The following SLC25A48 variants were observed in gnomAD, a reference collection of about 807,000 sequenced individuals.
The protein encoded by SLC25A48 is CTC-321K16.1.
Under a neutral mutation model 32.2 loss-of-function variants are expected in SLC25A48, and 29 were observed. That is an observed-to-expected ratio of 0.90 (90% CI 0.67 to 1.23). SLC25A48 has a LOEUF of 1.23. SLC25A48 is among the 50% of genes most tolerant of loss of function. The pLI, the probability that SLC25A48 is intolerant of heterozygous loss-of-function variation, is 0.00. For missense variants in SLC25A48, 399 were observed against 422.7 expected (o/e 0.94, Z 0.49); for synonymous variants, 164 against 172.3 (o/e 0.95, Z 0.38).
At chr5:135,798,578 C>A (rs1757243654) in intron 3 of SLC25A48, among the ~76,000 whole-genome samples, 2 of 151,288 alleles carry the variant, frequency 1.3e-5, no homozygotes, top group South Asian at 4.2e-4. Flanking sequence ...TCCTATTATC[C>A]AGGTGGACAG....
chr5:135,659,429 A>T (rs1448556936), intron 3 of SLC25A48, among the ~76,000 whole-genome samples: 1 of 152,178 alleles, frequency 6.6e-6, no homozygotes, highest in African/African-American at 2.4e-5. Context: ...CCATATCACC[A>T]TCAGCATTTT....
Position 135,647,815 on chromosome 5 carries a change from CCTAG to C in SLC25A48, c.-521+12862_-521+12865del, listed in dbSNP as rs374817931. On this transcript the variant is annotated intron_variant, in intron 3 of 10. Transcript: ENST00000646290. ...GACCTGTGGCGGGAATCCCTGGGGCCCTAGCTTTCTTTGTAGTATGACTCCTTGG... is the reference window on the plus strand; with the variant it reads ...GACCTGTGGCGGGAATCCCTGGGGCCCTTTCTTTGTAGTATGACTCCTTGG... 8.7e-3 allele frequency among the ~76,000 whole-genome samples: 1,325 copies of C among 152,300 alleles called. 12 individuals are homozygous for C. The highest frequency in any genetic ancestry group is 0.013 in the Non-Finnish European group (860 of 68,006).
intron 7 of SLC25A48, among the ~76,000 whole-genome samples, chr5:135,886,733 C>T (rs1167331380): frequency 6.9e-6 from 1 of 144,534 alleles, no homozygotes; most frequent in Non-Finnish European, 1.5e-5. Context: ...CTGACTGTGG[C>T]CAGTGCTGTT....
At chr5:135,716,212 T>A (rs1339056330) in intron 3 of SLC25A48, among the ~76,000 whole-genome samples, 3 of 152,212 alleles carry the variant, frequency 2.0e-5, no homozygotes, top group Non-Finnish European at 4.4e-5. Context: ...CATGCTTACC[T>A]GGTCTGGGAC....
chr5:135,872,118 A>G, intron 5 of SLC25A48: 1 of 744,698 alleles, frequency 1.3e-6, no homozygotes, highest in East Asian at 3.3e-5. Flanking sequence ...TCAGGTCCAG[A>G]AATGTTAAGT....
At chr5:135,664,760 T>A (rs1753482765) in intron 3 of SLC25A48, among the ~76,000 whole-genome samples, 1 of 152,208 alleles carries the variant, frequency 6.6e-6, no homozygotes, top group South Asian at 2.1e-4. Context: ...AGACATTATT[T>A]TTTTTGTGGC....
intron 7 of SLC25A48, chr5:135,883,042 T>A: frequency 1.0e-6 from 1 of 985,450 alleles, no homozygotes; most frequent in Non-Finnish European, 1.2e-6. Context: ...GATGTTCTTG[T>A]CTTTCCTCCT....
At chr5:135,812,106 TA>T (rs1757602025) in intron 3 of SLC25A48, among the ~76,000 whole-genome samples, 1 of 152,116 alleles carries the variant, frequency 6.6e-6, no homozygotes, top group South Asian at 2.1e-4. Flanking sequence ...AATAAACAAA[TA>T]AATATGAATA....
chr5:135,882,276 C>G (rs1447237703), intron 7 of SLC25A48, among the ~76,000 whole-genome samples: 1 of 152,212 alleles, frequency 6.6e-6, no homozygotes, highest in Admixed American at 6.5e-5. Flanking sequence ...ATTCAACTTC[C>G]TGCTCTAACC....
At chr5:135,703,562 C>A (rs563595587) in intron 3 of SLC25A48, among the ~76,000 whole-genome samples, 1 of 152,176 alleles carries the variant, frequency 6.6e-6, no homozygotes, top group Non-Finnish European at 1.5e-5. Flanking sequence ...CCCCACAACC[C>A]GTCTCTGCCT....
intron 2 of SLC25A48, among the ~76,000 whole-genome samples, chr5:135,842,745 G>A (rs1040737025): frequency 6.6e-6 from 1 of 152,196 alleles, no homozygotes; most frequent in Non-Finnish European, 1.5e-5. Context: ...CTGGCATTGG[G>A]ATTATCCAAG....
intron 3 of SLC25A48, among the ~76,000 whole-genome samples, chr5:135,736,642 A>G (rs1283437826): frequency 6.6e-6 from 1 of 152,112 alleles, no homozygotes; most frequent in Non-Finnish European, 1.5e-5. Flanking sequence ...GCTTGCTGCT[A>G]TGGGTGAAGG....
At chr5:135,650,822 C>A (rs1226516804) in intron 3 of SLC25A48, among the ~76,000 whole-genome samples, 1 of 151,990 alleles carries the variant, frequency 6.6e-6, no homozygotes, top group Non-Finnish European at 1.5e-5. Flanking sequence ...GGGGCATAGG[C>A]AGAGGAGCTC....
At chr5:135,787,775 A>C (rs1756886120) in intron 3 of SLC25A48, among the ~76,000 whole-genome samples, 2 of 151,738 alleles carry the variant, frequency 1.3e-5, no homozygotes, top group East Asian at 3.9e-4. Flanking sequence ...GATATTGTTC[A>C]TAATATCCTA....
intron 4 of SLC25A48, among the ~76,000 whole-genome samples, chr5:135,856,065 G>A (rs1477646410): frequency 6.6e-6 from 1 of 152,162 alleles, no homozygotes; most frequent in Non-Finnish European, 1.5e-5. Flanking sequence ...AGAGAGTGCC[G>A]GCTTTGGAGG....
intron 4 of SLC25A48, among the ~76,000 whole-genome samples, chr5:135,861,485 C>T (rs1760793957): frequency 1.3e-5 from 2 of 152,102 alleles, no homozygotes; most frequent in Admixed American, 6.5e-5. Flanking sequence ...GCAAAGCAGG[C>T]ATAACTATAG....
rs199806613 is a variant in SLC25A48 at position 135,766,357 on chromosome 5, G to C, written c.-520-46166G>C. ...TGTAATATGGTTTGTAATATCAAGG[G>C]GGGGGGAAGAATGATATTACTCCCC... On this transcript the variant is annotated intron_variant, in intron 3 of 10. Coordinates refer to the SLC25A48 transcript ENST00000646290. 6.8e-5 allele frequency among the ~76,000 whole-genome samples: 5 copies of C among 73,938 alleles called. 1 individual carries two copies. In the South Asian group the frequency reaches 2.1e-3, roughly 31 times the overall value. 48.5% of individuals were successfully genotyped at this position (73,938 alleles called of 152,430 possible).
chr5:135,873,956 A>G, intron 5 of SLC25A48, 65 bp from the exon 6 acceptor site: 1 of 1,445,760 alleles, frequency 6.9e-7, no homozygotes, highest in African/African-American at 1.5e-5. Context: ...AGAAATCTGC[A>G]AGGAACCAGG....
intron 3 of SLC25A48, among the ~76,000 whole-genome samples, chr5:135,673,680 G>C (rs1193451644): frequency 1.3e-5 from 2 of 152,116 alleles, no homozygotes; most frequent in East Asian, 3.9e-4. Context: ...TATTTCCACA[G>C]GTGTCTTTTA....
Sources: gnomAD v4.1 joint callset for allele counts (sites outside exome capture counted in the v4.1 genomes callset) on GRCh38, gnomAD v4.1.1 for gene constraint, MANE v1.5 for transcripts, NCBI Gene and HGNC (gene_info 2026-07-23, HGNC 2026-07-21) for gene names.